The following DLG2 variants were observed in gnomAD, a reference collection of about 807,000 sequenced individuals.
The protein encoded by DLG2 is discs large MAGUK scaffold protein 2.
Under a neutral mutation model 132.5 loss-of-function variants are expected in DLG2, and 45 were observed. That is an observed-to-expected ratio of 0.34 (90% CI 0.27 to 0.44). The LOEUF (loss-of-function observed/expected upper bound fraction) is 0.44. Ranked by LOEUF, DLG2 falls within the 20% of genes least tolerant of loss-of-function variation. The probability of loss-of-function intolerance (pLI) is 1.00; values close to 1 mark genes in which losing one functional copy is unlikely to be tolerated. For missense variants in DLG2, 1,045 were observed against 1,196.9 expected (o/e 0.87, Z 1.87); for synonymous variants, 424 against 419.6 (o/e 1.01, Z -0.13).
chr11:84,350,242 T>G (rs1311941703), intron 7 of DLG2, among the ~76,000 whole-genome samples: 1 of 151,766 alleles, frequency 6.6e-6, no homozygotes, highest in Admixed American at 6.6e-5. Flanking sequence ...TTCAACAGGT[T>G]TTTAACCTGA....
chr11:85,004,353 C>T (rs2058460333), intron 6 of DLG2, among the ~76,000 whole-genome samples: 2 of 152,166 alleles, frequency 1.3e-5, no homozygotes, highest in African/African-American at 2.4e-5. Flanking sequence ...AAAAGCATTC[C>T]TATTTCTCCA....
intron 6 of DLG2, among the ~76,000 whole-genome samples, chr11:84,681,851 T>G (rs1372613771): frequency 3.3e-5 from 5 of 152,110 alleles, no homozygotes; most frequent in African/African-American, 9.7e-5. Flanking sequence ...AAACCCTCTT[T>G]TCTTTGCTGA....
At chr11:84,326,912 T>A (rs936219799) in intron 7 of DLG2, among the ~76,000 whole-genome samples, 1 of 152,144 alleles carries the variant, frequency 6.6e-6, no homozygotes, top group Admixed American at 6.5e-5. Flanking sequence ...TAGGTGAATA[T>A]ATATTTAACA....
chr11:83,994,109 G>C (rs1347287719), intron 11 of DLG2, among the ~76,000 whole-genome samples: 1 of 152,066 alleles, frequency 6.6e-6, no homozygotes, highest in Non-Finnish European at 1.5e-5. Context: ...CGGTTTATCT[G>C]TCTTTATCTC....
intron 15 of DLG2, among the ~76,000 whole-genome samples, chr11:83,891,683 T>TAGA (rs1565523806): frequency 6.6e-6 from 1 of 152,062 alleles, no homozygotes; most frequent in South Asian, 2.1e-4. Context: ...GTAGAGCAAA[T>TAGA]AGAACCCTTT....
rs2096007385 is a variant in DLG2, at chr11:84,177,672, T to C, written c.574-14161A>G. ...TCTAGAGACATTTCCTAAGTTTGAC[T>C]CTGCCAGTTAATAGCTGTCAGATAT... is the stretch of plus-strand genomic sequence containing the variant. On this transcript the variant is annotated intron_variant, in intron 8 of 27. Coordinates refer to ENST00000376104, the MANE Select transcript of DLG2 (RefSeq NM_001142699.3). Among the ~76,000 whole-genome samples, 4 of 152,304 alleles carry C rather than the reference T, an allele frequency of 2.6e-5. No homozygotes were observed. In the South Asian group the frequency reaches 8.3e-4, roughly 32 times the overall value.
intron 4 of DLG2, among the ~76,000 whole-genome samples, chr11:85,242,641 A>C (rs1057151471): frequency 2.0e-5 from 3 of 151,326 alleles, no homozygotes; most frequent in African/African-American, 7.3e-5. Context: ...TCTATTATTC[A>C]TCCCATCTGT....
chr11:83,566,463 T>C (rs189149563), intron 19 of DLG2, among the ~76,000 whole-genome samples: 1 of 152,262 alleles, frequency 6.6e-6, no homozygotes, highest in East Asian at 1.9e-4. Context: ...TTGGTCTAAA[T>C]ATCATGTGAT....
intron 6 of DLG2, among the ~76,000 whole-genome samples, chr11:85,091,462 T>A (rs899797196): frequency 6.6e-6 from 1 of 152,126 alleles, no homozygotes; most frequent in Non-Finnish European, 1.5e-5. Flanking sequence ...AAGACAACAA[T>A]GATGTTTGCC....
chr11:85,478,687 A>G (rs924095539), intron 3 of DLG2, among the ~76,000 whole-genome samples: 5 of 152,322 alleles, frequency 3.3e-5, no homozygotes, highest in Admixed American at 6.5e-5. Context: ...ATTTCATAAT[A>G]ATATGTAAGT....
intron 6 of DLG2, among the ~76,000 whole-genome samples, chr11:84,982,222 CAA>C (rs2055856921): frequency 1.6e-5 from 1 of 61,086 alleles, no homozygotes; most frequent in Admixed American, 1.9e-4. Context: ...CAAATTACTT[CAA>C]ACATAGTCCC....
chr11:85,543,748 C>G (rs1461800426), intron 3 of DLG2, among the ~76,000 whole-genome samples: 1 of 152,126 alleles, frequency 6.6e-6, no homozygotes, highest in East Asian at 1.9e-4. Flanking sequence ...TGATGATGAG[C>G]TTTTTCTCAT....
intron 3 of DLG2, among the ~76,000 whole-genome samples, chr11:85,498,808 C>A (rs1427948609): frequency 6.6e-6 from 1 of 152,114 alleles, no homozygotes; most frequent in Non-Finnish European, 1.5e-5. Context: ...ATCTGCACAA[C>A]TACATGGAAA....
chr11:83,868,756 A>G (rs983619430), intron 16 of DLG2, among the ~76,000 whole-genome samples: 11 of 152,134 alleles, frequency 7.2e-5, no homozygotes, highest in African/African-American at 2.7e-4. Flanking sequence ...TTCAAAGAGC[A>G]CTTCCATAAT....
At chr11:84,887,142 G>C (rs2088472709) in intron 6 of DLG2, 1 of 152,050 alleles carries the variant, frequency 6.6e-6, no homozygotes. Context: ...AAGAGATACA[G>C]AGCACCTTTA....
At chr11:84,839,771 A>C (rs1370210614) in intron 6 of DLG2, among the ~76,000 whole-genome samples, 1 of 152,204 alleles carries the variant, frequency 6.6e-6, no homozygotes, top group South Asian at 2.1e-4. Flanking sequence ...TGATGCTGGG[A>C]AAACTGGCTA....
chr11:85,598,816 T>C (rs940012932), intron 2 of DLG2, 28 bp from the exon 3 acceptor site: 48 of 628,348 alleles, frequency 7.6e-5, no homozygotes, highest in Non-Finnish European at 1.2e-4. Flanking sequence ...ATTATTATAT[T>C]TTATGGTCTT....
rs147692463 is a variant in DLG2 at position 83,471,738 on chromosome 11, G to T, written c.2345-11C>A. On this transcript the variant is annotated splice_polypyrimidine_tract_variant and intron_variant, in intron 23 of 27. Coordinates refer to ENST00000376104, the MANE Select transcript of DLG2 (RefSeq NM_001142699.3). ...GCCGGGTGTAGTTTACTGCAGAATG[G>T]GAAAGGAAGATGTAGGTAAAGAGAA... 1 of 1,608,546 alleles carries T rather than the reference G, an allele frequency of 6.2e-7. No homozygotes were observed. The highest frequency in any genetic ancestry group is 2.2e-5 in the East Asian group (1 of 44,792).
chr11:83,611,409 T>G (rs1283562430), intron 19 of DLG2, among the ~76,000 whole-genome samples: 1 of 152,166 alleles, frequency 6.6e-6, no homozygotes, highest in Non-Finnish European at 1.5e-5. Flanking sequence ...AAATGAGTAA[T>G]CTTGGTAACC....
Sources: allele counts gnomAD v4.1 joint callset (sites outside exome capture counted in the v4.1 genomes callset), GRCh38; gene constraint gnomAD v4.1.1; transcripts MANE v1.5; gene names NCBI Gene and HGNC (gene_info 2026-07-23, HGNC 2026-07-21).